AEBP2: variants seen among roughly 807,000 people sequenced by gnomAD.
AEBP2 encodes the protein zinc finger protein AEBP2.
A neutral mutation model predicts 50.8 loss-of-function variants in AEBP2; 10 were observed. That is an observed-to-expected ratio of 0.20 (90% CI 0.12 to 0.33). AEBP2 has a LOEUF of 0.33. Ranked by LOEUF, AEBP2 falls within the 10% of genes least tolerant of loss-of-function variation. The probability of loss-of-function intolerance (pLI) is 1.00; values close to 1 mark genes in which losing one functional copy is unlikely to be tolerated. For synonymous variants in AEBP2, 296 were observed against 261.3 expected, an observed-to-expected ratio of 1.13 and a Z score of -1.28; for missense variants, 570 against 688.0, an observed-to-expected ratio of 0.83 and a Z score of 1.92.
intron 5 of AEBP2, among the ~76,000 whole-genome samples, chr12:19,501,840 G>A (rs186434679): frequency 5.5e-5 from 2 of 36,672 alleles, no homozygotes; most frequent in East Asian, 6.0e-4. Flanking sequence ...TTTCTTCTGC[G>A]TGCAGTCATC....
chr12:19,434,421 C>T (rs963896663), intron 1 of AEBP2, among the ~76,000 whole-genome samples: 1 of 152,210 alleles, frequency 6.6e-6, no homozygotes, highest in African/African-American at 2.4e-5. Flanking sequence ...GATCCACTCG[C>T]CTTGGCCTCC....
At chr12:19,435,479 T>C (rs1477355862), upstream of AEBP2, among the ~76,000 whole-genome samples, 2 of 152,070 alleles carry the variant, frequency 1.3e-5, no homozygotes, top group Admixed American at 6.6e-5. Flanking sequence ...CTCAAGTGAT[T>C]TGTCTGTCTC....
chr12:19,407,171 A>G (rs2095736749), intron 1 of AEBP2, among the ~76,000 whole-genome samples: 1 of 152,018 alleles, frequency 6.6e-6, no homozygotes, highest in Non-Finnish European at 1.5e-5. Context: ...CATGGTGCAC[A>G]CCTGTAGTCC....
intron 1 of AEBP2, among the ~76,000 whole-genome samples, chr12:19,451,145 C>T (rs751811116): frequency 6.6e-5 from 10 of 152,122 alleles, no homozygotes; most frequent in Admixed American, 2.0e-4. Flanking sequence ...TGCATGACAG[C>T]CCTTTTCCAA....
intron 5 of AEBP2, among the ~76,000 whole-genome samples, chr12:19,506,393 C>T (rs1322761668): frequency 1.3e-5 from 2 of 152,294 alleles, no homozygotes; most frequent in East Asian, 3.9e-4. Context: ...AGCCACGGTG[C>T]CTGGCCCTTT....
At chr12:19,461,100 T>C (rs1302851460) in intron 1 of AEBP2, among the ~76,000 whole-genome samples, 1 of 152,230 alleles carries the variant, frequency 6.6e-6, no homozygotes, top group African/African-American at 2.4e-5. Flanking sequence ...TTTGTGTCTT[T>C]GAACTTTTCC....
intron 2 of AEBP2, among the ~76,000 whole-genome samples, chr12:19,465,400 A>T (rs529429496): frequency 9.8e-4 from 149 of 151,928 alleles, no homozygotes; most frequent in Non-Finnish European, 1.5e-3. Context: ...TCTCAAAAAA[A>T]AAATAAATAA....
intron 1 of AEBP2, among the ~76,000 whole-genome samples, chr12:19,459,677 A>G (rs1317558062): frequency 1.3e-5 from 2 of 152,204 alleles, no homozygotes; most frequent in South Asian, 2.1e-4. Flanking sequence ...AGTTTTACAG[A>G]GATTACAGAG....
upstream of AEBP2, among the ~76,000 whole-genome samples, chr12:19,437,736 A>C (rs186493715): frequency 1.7e-3 from 254 of 152,336 alleles, 2 homozygotes; most frequent in Non-Finnish European, 3.7e-4. Flanking sequence ...TTGGAAGTTA[A>C]TACCTTACAT....
At position 19,451,983 on chromosome 12, in the gene AEBP2, C is replaced by T. The variant is rs546509649; in HGVS notation, c.672-10527C>T. Among the ~76,000 whole-genome samples, 84 of 152,294 alleles carry T rather than the reference C, an allele frequency of 5.5e-4. 2 individuals are homozygous for T. In the South Asian group the frequency reaches 0.014, roughly 26 times the overall value. ...CTTGCTTCACTGCACCTCTGCCTCT[C>T]GGGTTTAAGCGATCCTCCTGCCTCA... On this transcript the variant is annotated intron_variant, in intron 1 of 7. Transcript: ENST00000266508.
intron 5 of AEBP2, among the ~76,000 whole-genome samples, chr12:19,503,132 A>G (rs1283408463): frequency 6.6e-6 from 1 of 152,140 alleles, no homozygotes; most frequent in Non-Finnish European, 1.5e-5. Flanking sequence ...GTGAAAAAAT[A>G]TTGGTAGCTT....
chr12:19,500,776 A>G (rs1262658513), intron 5 of AEBP2, among the ~76,000 whole-genome samples: 2 of 152,210 alleles, frequency 1.3e-5, no homozygotes, highest in Non-Finnish European at 2.9e-5. Flanking sequence ...CATGGTAGGC[A>G]CTCAGTATAG....
rs764841025 is a variant in AEBP2, at chr12:19,440,133, CCAG to C, written c.445_447del (p.Ser149del). ...ACCCGCTCGTTGAGCCCCGGCGCCG[CCAG>C]CAGCAGCAGCGGGGATGGGGACGGC... is the stretch of plus-strand genomic sequence containing the variant. On this transcript the variant is annotated inframe_deletion, in exon 1 of 8. Transcript: ENST00000266508. 3.6e-5 allele frequency: 54 copies of C among 1,503,918 alleles called. No homozygotes were observed. The highest frequency in any genetic ancestry group is 1.1e-4 in the East Asian group (4 of 37,066). The allele number at this position is 1,503,918 out of a possible 1,614,324, so 93.2% of individuals were successfully genotyped here.
chr12:19,512,107 C>T (rs2120602063), intron 5 of AEBP2, among the ~76,000 whole-genome samples: 1 of 152,078 alleles, frequency 6.6e-6, no homozygotes, highest in Middle Eastern at 3.4e-3. Context: ...CTGCAACCGC[C>T]ACCTCCTGGG....
At chr12:19,418,411 T>TG (rs2095743801) in intron 1 of AEBP2, among the ~76,000 whole-genome samples, 1 of 149,388 alleles carries the variant, frequency 6.7e-6, no homozygotes, top group African/African-American at 2.5e-5. Flanking sequence ...TTTTTTTTTT[T>TG]GTGGATATGA....
At chr12:19,440,865 T>C in intron 1 of AEBP2, 1 of 1,104,176 alleles carries the variant, frequency 9.1e-7, no homozygotes, top group East Asian at 2.6e-5. Context: ...TTTTCTCTAC[T>C]TAAACAAAAA....
chr12:19,439,365 A>C (rs1387513826), upstream of AEBP2, among the ~76,000 whole-genome samples: 1 of 128,936 alleles, frequency 7.8e-6, no homozygotes, highest in Non-Finnish European at 1.6e-5. Flanking sequence ...AACGCTGAGC[A>C]CTTGCAGGCG....
chr12:19,513,147 A>C (rs1441146231), intron 6 of AEBP2, among the ~76,000 whole-genome samples: 1 of 152,172 alleles, frequency 6.6e-6, no homozygotes, highest in Non-Finnish European at 1.5e-5. Context: ...AGCAGTATAC[A>C]AGCAGCCATA....
chr12:19,421,335 ACT>A (rs2095745664), intron 1 of AEBP2, among the ~76,000 whole-genome samples: 1 of 124,582 alleles, frequency 8.0e-6, no homozygotes, highest in South Asian at 2.5e-4. Context: ...ACAGAGCGAG[ACT>A]CTGTCTCAAA....
Sources: allele counts gnomAD v4.1 joint callset (sites outside exome capture counted in the v4.1 genomes callset), GRCh38; gene constraint gnomAD v4.1.1; transcripts MANE v1.5; gene names NCBI Gene and HGNC (gene_info 2026-07-23, HGNC 2026-07-21).